Variants in ST3GAL4 observed in about 807,000 individuals in gnomAD.
ST3GAL4 encodes ST3 beta-galactoside alpha-2,3-sialyltransferase 4, also known as CMP-N-acetylneuraminate-beta-galactosamide-alpha-2,3-sialyltransferase 4.
In ST3GAL4, 24 loss-of-function variants were observed where a neutral mutation model predicts 42.6. The ratio of observed to expected loss-of-function variants is 0.56; its 90% CI spans 0.41 to 0.79. ST3GAL4 has a LOEUF of 0.79. Among genes scored for constraint, ST3GAL4 ranks in the 30% least tolerant of loss-of-function variants. The pLI is 0.00. For missense variants in ST3GAL4, 311 were observed against 430.8 expected, an observed-to-expected ratio of 0.72 and a Z score of 2.46; for synonymous variants, 135 against 163.2, an observed-to-expected ratio of 0.83 and a Z score of 1.32.
rs1952453430 is a variant in ST3GAL4 at position 126,366,995 on chromosome 11, A to G, written c.-61+11153A>G. 6.6e-6 allele frequency among the ~76,000 whole-genome samples: 1 copy of G among 152,052 alleles called. No homozygotes were observed. On this transcript the variant is annotated intron_variant, in intron 1 of 10. Transcript: ENST00000444328. This position sits in a 1 kb window ranked among gnomAD's most constrained non-coding sequence, Gnocchi z 4.2. Reference sequence around the variant, plus strand: ...GTACTGGGTTTGGATAGAGTGTGTCATCTGCAGAGGGAGCACTGTTCTGGA... The same window carrying G: ...GTACTGGGTTTGGATAGAGTGTGTCGTCTGCAGAGGGAGCACTGTTCTGGA...
Position 126,372,025 on chromosome 11 carries a change from T to G in ST3GAL4, c.-61+16183T>G, listed in dbSNP as rs114188295. ...TTGTGTTCTTTTTTATTCCTTTGAT[T>G]GTTTTGGTGGTGGTTATGATAAAAT... is the stretch of plus-strand genomic sequence containing the variant. On this transcript the variant is annotated intron_variant, in intron 1 of 10. Coordinates refer to ENST00000444328, the MANE Select transcript of ST3GAL4 (RefSeq NM_001254757.2). Among the ~76,000 whole-genome samples, 829 of 152,366 alleles carry G rather than the reference T, an allele frequency of 5.4e-3. 7 individuals are homozygous for G. The highest frequency in any genetic ancestry group is 0.019 in the African/African-American group (788 of 41,576).
chr11:126,362,454 G>A (rs1952276772), intron 1 of ST3GAL4, among the ~76,000 whole-genome samples: 1 of 152,118 alleles, frequency 6.6e-6, no homozygotes, highest in Admixed American at 6.6e-5. Flanking sequence ...ACCTGCCTCG[G>A]CCTCCCAAAG....
intron 1 of ST3GAL4, among the ~76,000 whole-genome samples, chr11:126,358,767 C>T (rs1423681338): frequency 6.6e-6 from 1 of 152,188 alleles, no homozygotes; most frequent in Non-Finnish European, 1.5e-5. Context: ...TACAGCCTGG[C>T]CACAACCCCA....
At chr11:126,388,186 G>A (rs768414792) in intron 1 of ST3GAL4, among the ~76,000 whole-genome samples, 2 of 152,190 alleles carry the variant, frequency 1.3e-5, no homozygotes, top group Non-Finnish European at 1.5e-5. Flanking sequence ...CAGGTCCCTC[G>A]TGTTTTGCTG....
Position 126,406,281 on chromosome 11 carries a change from G to T in ST3GAL4, c.16+110G>T. The T allele has an allele frequency of 1.3e-6, 2 of 1,546,366 alleles. No individual in the cohort carries two copies. Among genetic ancestry groups the T allele is most frequent in the Non-Finnish European group, 1.7e-6 (2 of 1,145,132 alleles). On this transcript the variant is annotated intron_variant, in intron 2 of 10. Transcript: ENST00000444328. This position sits in a 1 kb window ranked among gnomAD's most constrained non-coding sequence, Gnocchi z 5.4. ...GTGGAGGGACAGACAGGGAGCCAGG[G>T]GCCCTTCTCTTCATCTTGAAGGACA...
intron 1 of ST3GAL4, among the ~76,000 whole-genome samples, chr11:126,380,950 A>G (rs1004804153): frequency 6.6e-6 from 1 of 152,220 alleles, no homozygotes; most frequent in African/African-American, 2.4e-5. Context: ...TGATGCGTGC[A>G]TTTCTGTCTG....
intron 1 of ST3GAL4, among the ~76,000 whole-genome samples, chr11:126,388,376 G>A (rs1953315024): frequency 6.6e-6 from 1 of 151,874 alleles, no homozygotes; most frequent in Non-Finnish European, 1.5e-5. Flanking sequence ...TCTCTCCCAG[G>A]CTGGAGTGAA....
At position 126,355,906 on chromosome 11, in the gene ST3GAL4, C is replaced by A. The variant is rs1015800519; in HGVS notation, c.-61+64C>A. 2 of 149,536 alleles carry A rather than the reference C, an allele frequency of 1.3e-5. No homozygotes were observed. Among genetic ancestry groups the A allele is most frequent in the Non-Finnish European group, 3.0e-5 (2 of 66,996 alleles). The allele number at this position is 149,536 out of a possible 1,614,324, so 9.3% of individuals were successfully genotyped here. ...GGGGCGGGGCGGGGAGCCGCGGGGT[C>A]CTCGGCCGCCTGACCCCAGCCGGCG... On this transcript the variant is annotated intron_variant, in intron 1 of 10. Transcript: ENST00000444328. This position sits in a 1 kb window ranked among gnomAD's most constrained non-coding sequence, Gnocchi z 7.1.
rs201871612 is a variant in ST3GAL4 at position 126,406,510 on chromosome 11, C to T, written c.54C>T (p.Val18=). ...TGGCCATGTTGGCTCTGGTCCTGGTCGTCATGGTGTGGTATTCCATCTCCC... is the reference window on the plus strand; with the variant it reads ...TGGCCATGTTGGCTCTGGTCCTGGTTGTCATGGTGTGGTATTCCATCTCCC... ...KLLAMLALVL[V]VMVWYSISRE... Residue 18 remains valine (V), a synonymous_variant, in exon 3 of 11, where the codon GTC becomes GTT. Coordinates refer to ENST00000444328, the MANE Select transcript of ST3GAL4 (RefSeq NM_001254757.2). This position sits in a 1 kb window ranked among gnomAD's most constrained non-coding sequence, Gnocchi z 5.4. 9.9e-6 allele frequency: 16 copies of T among 1,614,162 alleles called. No homozygotes were observed. In the Admixed American group the frequency reaches 1.0e-4, roughly 10 times the overall value.
At chr11:126,359,000 T>C (rs987386038) in intron 1 of ST3GAL4, among the ~76,000 whole-genome samples, 1 of 152,122 alleles carries the variant, frequency 6.6e-6, no homozygotes, top group Non-Finnish European at 1.5e-5. Flanking sequence ...AGCACCTGAG[T>C]AGGAGAGTTC....
chr11:126,362,765 G>A (rs1005194070), intron 1 of ST3GAL4, among the ~76,000 whole-genome samples: 3 of 152,224 alleles, frequency 2.0e-5, no homozygotes, highest in Non-Finnish European at 2.9e-5. Flanking sequence ...TGTGTTAATT[G>A]GGGTAAGAGT....
intron 1 of ST3GAL4, among the ~76,000 whole-genome samples, chr11:126,374,795 A>G (rs547503347): frequency 6.6e-6 from 1 of 152,076 alleles, no homozygotes; most frequent in Admixed American, 6.6e-5. Context: ...TGTTCTTGGC[A>G]CTTGCAATTA....
intron 1 of ST3GAL4, among the ~76,000 whole-genome samples, chr11:126,388,749 A>G (rs150496415): frequency 3.3e-4 from 28 of 85,118 alleles, no homozygotes; most frequent in Non-Finnish European, 6.1e-4. Flanking sequence ...TTGCAAATGT[A>G]CTTTAGTTTT....
intron 1 of ST3GAL4, among the ~76,000 whole-genome samples, chr11:126,369,650 A>G (rs1952567225): frequency 6.6e-6 from 1 of 152,228 alleles, no homozygotes; most frequent in African/African-American, 2.4e-5. Flanking sequence ...ATTCAGGTCC[A>G]AGTGTGAGAC....
chr11:126,366,935 C>T lies in ST3GAL4; in HGVS notation c.-61+11093C>T, dbSNP rs56861030. Among the ~76,000 whole-genome samples, 5,164 of 152,092 alleles carry T rather than the reference C, an allele frequency of 0.034. 290 individuals are homozygous for T. The highest frequency in any genetic ancestry group is 0.12 in the African/African-American group (4,827 of 41,408). The stretch of plus-strand genomic sequence containing the variant: ...AATTTGTGGCACCTGCAGGGCTGAA[C>T]GTTGCCTTTGCTGTCCCTGCTTGGG... On this transcript the variant is annotated intron_variant, in intron 1 of 10. Coordinates refer to ENST00000444328, the MANE Select transcript of ST3GAL4 (RefSeq NM_001254757.2). This position sits in a 1 kb window ranked among gnomAD's most constrained non-coding sequence, Gnocchi z 4.2.
chr11:126,390,017 C>CAAAAAAAAAAAAA, intron 1 of ST3GAL4, among the ~76,000 whole-genome samples: 1 of 114,634 alleles, frequency 8.7e-6, no homozygotes, highest in Non-Finnish European at 1.7e-5. Flanking sequence ...GCTAAAAATA[C>CAAAAAAAAAAAAA]AAAAAAAAAA....
intron 1 of ST3GAL4, among the ~76,000 whole-genome samples, chr11:126,402,313 G>A (rs1226003590): frequency 1.3e-5 from 2 of 151,922 alleles, no homozygotes; most frequent in Admixed American, 6.6e-5. Flanking sequence ...AAAATTAGCC[G>A]GGCATGGTGA....
rs1029124160 is a variant in ST3GAL4 at position 126,366,612 on chromosome 11, T to C, written c.-61+10770T>C. Among the ~76,000 whole-genome samples, 1 of 152,134 alleles carries C rather than the reference T, an allele frequency of 6.6e-6. No individual in the cohort carries two copies. Among genetic ancestry groups the C allele is most frequent in the Non-Finnish European group, 1.5e-5 (1 of 68,018 alleles). ...GGCCCTCCCCTCTGGCGAGTCTGCC[T>C]CTCACTCGCTCAGCCCCTTTAACCC... On this transcript the variant is annotated intron_variant, in intron 1 of 10. Coordinates refer to ENST00000444328, the MANE Select transcript of ST3GAL4 (RefSeq NM_001254757.2). The surrounding 1 kb of genome is among the most constrained non-coding windows in gnomAD (Gnocchi z 4.2).
At position 126,388,691 on chromosome 11, in the gene ST3GAL4, G is replaced by C. The variant is rs114167966; in HGVS notation, c.-60-17405G>C. The stretch of plus-strand genomic sequence containing the variant: ...TTTTTTTTTTTTTTTTCTGATTTAC[G>C]TGAGCACATCATAGGCTCAGTGAAT... On this transcript the variant is annotated intron_variant, in intron 1 of 10. Coordinates refer to ENST00000444328, the MANE Select transcript of ST3GAL4 (RefSeq NM_001254757.2). Among the ~76,000 whole-genome samples, 622 of 99,120 alleles carry C rather than the reference G, an allele frequency of 6.3e-3. 10 individuals are homozygous for C. The highest frequency in any genetic ancestry group is 0.029 in the African/African-American group (580 of 20,052). 65.0% of individuals were successfully genotyped at this position (99,120 alleles called of 152,430 possible).
Sources: gnomAD v4.1 joint callset for allele counts (sites outside exome capture counted in the v4.1 genomes callset) on GRCh38, gnomAD v4.1.1 for gene constraint, Gnocchi (gnomAD v3.1) non-coding constraint, MANE v1.5 for transcripts, NCBI Gene and HGNC (gene_info 2026-07-23, HGNC 2026-07-21) for gene names.